The following HS6ST3 variants were observed in gnomAD, a reference collection of about 807,000 sequenced individuals.
The protein encoded by HS6ST3 is heparan sulfate 6-O-sulfotransferase 3.
HS6ST3 carries 12 observed loss-of-function variants against 36.7 expected under a neutral mutation model. The ratio of observed to expected loss-of-function variants is 0.33; its 90% CI spans 0.21 to 0.53. The LOEUF (loss-of-function observed/expected upper bound fraction) is 0.53. Among genes scored for constraint, HS6ST3 ranks in the 20% least tolerant of loss-of-function variants. The probability of loss-of-function intolerance (pLI) is 0.95; values close to 1 mark genes in which losing one functional copy is unlikely to be tolerated. For synonymous variants in HS6ST3, 240 were observed against 257.5 expected (o/e 0.93, Z 0.65); for missense variants, 584 against 640.9 (o/e 0.91, Z 0.96).
At chr13:96,107,007 A>T (rs916462398) in intron 1 of HS6ST3, among the ~76,000 whole-genome samples, 1 of 152,232 alleles carries the variant, frequency 6.6e-6, no homozygotes, top group Non-Finnish European at 1.5e-5. Flanking sequence ...GCAAAATTAC[A>T]CAATTGGGTT....
chr13:96,414,869 C>A (rs2055525356), intron 1 of HS6ST3, among the ~76,000 whole-genome samples: 2 of 152,072 alleles, frequency 1.3e-5, no homozygotes, highest in Non-Finnish European at 2.9e-5. Flanking sequence ...ACAAAATTGA[C>A]TGTTTCAGAG....
chr13:96,541,005 A>G (rs904158250), intron 1 of HS6ST3, among the ~76,000 whole-genome samples: 7 of 152,114 alleles, frequency 4.6e-5, no homozygotes, highest in African/African-American at 1.7e-4. Flanking sequence ...TGGGAAGGAT[A>G]CTAGAGGCCA....
chr13:96,392,571 G>T (rs1211036816), intron 1 of HS6ST3, among the ~76,000 whole-genome samples: 1 of 152,228 alleles, frequency 6.6e-6, no homozygotes, highest in East Asian at 1.9e-4. Flanking sequence ...GATGTCCAAA[G>T]AATTAGTTGG....
At chr13:96,145,353 G>T (rs1279465187) in intron 1 of HS6ST3, among the ~76,000 whole-genome samples, 3 of 150,390 alleles carry the variant, frequency 2.0e-5, no homozygotes, top group African/African-American at 7.3e-5. Context: ...ATTCTAACTG[G>T]TGTGAGATGG....
At chr13:96,793,669 C>T (rs757504149) in intron 1 of HS6ST3, among the ~76,000 whole-genome samples, 5 of 152,200 alleles carry the variant, frequency 3.3e-5, no homozygotes, top group East Asian at 1.9e-4. Context: ...GCTTTCTGGT[C>T]GGAGGACTGC....
chr13:96,224,230 A>G (rs965514289), intron 1 of HS6ST3, among the ~76,000 whole-genome samples: 2 of 152,184 alleles, frequency 1.3e-5, no homozygotes, highest in African/African-American at 2.4e-5. Context: ...ATGAGACCCC[A>G]GAGCCCCATC....
chr13:96,620,993 G>C (rs1013427723), intron 1 of HS6ST3, among the ~76,000 whole-genome samples: 2 of 152,178 alleles, frequency 1.3e-5, no homozygotes, highest in African/African-American at 4.8e-5. Context: ...AGACCTGGGA[G>C]GCAGCTGGAT....
At chr13:96,467,742 C>T (rs986245099) in intron 1 of HS6ST3, among the ~76,000 whole-genome samples, 1 of 152,072 alleles carries the variant, frequency 6.6e-6, no homozygotes, top group East Asian at 1.9e-4. Flanking sequence ...ACATGGGTAC[C>T]ATTTGTCACC....
At chr13:96,457,813 A>G (rs1435312501) in intron 1 of HS6ST3, among the ~76,000 whole-genome samples, 2 of 152,172 alleles carry the variant, frequency 1.3e-5, no homozygotes, top group Admixed American at 1.3e-4. Flanking sequence ...TTTACTTAAG[A>G]TATAAATTGC....
intron 1 of HS6ST3, among the ~76,000 whole-genome samples, chr13:96,539,817 T>G (rs578209773): frequency 6.6e-6 from 1 of 152,200 alleles, no homozygotes; most frequent in African/African-American, 2.4e-5. Context: ...CACGGTGGCT[T>G]CCTTTTGTAT....
chr13:96,501,316 G>A (rs1486337835), intron 1 of HS6ST3, among the ~76,000 whole-genome samples: 1 of 152,206 alleles, frequency 6.6e-6, no homozygotes. Context: ...GGAGCAAAAT[G>A]TACTGAGTGC....
At chr13:96,737,276 T>G (rs1050805963) in intron 1 of HS6ST3, among the ~76,000 whole-genome samples, 3 of 152,132 alleles carry the variant, frequency 2.0e-5, no homozygotes, top group African/African-American at 7.2e-5. Context: ...ATGAAGAGGA[T>G]GAATTTGTAA....
At chr13:96,273,128 G>A (rs990178225) in intron 1 of HS6ST3, among the ~76,000 whole-genome samples, 2 of 151,874 alleles carry the variant, frequency 1.3e-5, no homozygotes, top group Non-Finnish European at 2.9e-5. Flanking sequence ...TACAGTTAAG[G>A]GGAGCTAGAG....
At chr13:96,689,858 C>A (rs1399191538) in intron 1 of HS6ST3, among the ~76,000 whole-genome samples, 1 of 151,532 alleles carries the variant, frequency 6.6e-6, no homozygotes, top group African/African-American at 2.4e-5. Context: ...TATGCAGTAT[C>A]CAGTTTTGAT....
rs568321646 is a variant in HS6ST3 at position 96,643,979 on chromosome 13, G to A, written c.708-188511G>A. Among the ~76,000 whole-genome samples, 91 of 151,984 alleles carry A rather than the reference G, an allele frequency of 6.0e-4. 1 individual carries two copies. Among genetic ancestry groups the A allele is most frequent in the Middle Eastern group, 3.4e-3 (1 of 294 alleles). On this transcript the variant is annotated intron_variant, in intron 1 of 1. Coordinates refer to ENST00000376705, the MANE Select transcript of HS6ST3 (RefSeq NM_153456.4). ...GCAAGCCTTTGGGTTAATGGCTAGA[G>A]TTATAAAAAAGTTGATTCTGACATT...
chr13:96,521,335 G>C (rs531533461), intron 1 of HS6ST3, among the ~76,000 whole-genome samples: 1 of 152,154 alleles, frequency 6.6e-6, no homozygotes, highest in Non-Finnish European at 1.5e-5. Flanking sequence ...TGTCTGCCAG[G>C]CTTTGGTATT....
At chr13:96,134,941 AT>A (rs1171667106) in intron 1 of HS6ST3, among the ~76,000 whole-genome samples, 2 of 152,196 alleles carry the variant, frequency 1.3e-5, no homozygotes, top group Non-Finnish European at 2.9e-5. Flanking sequence ...TCAGTTGTAT[AT>A]TAGACTCTGC....
chr13:96,524,107 C>T (rs1355253685), intron 1 of HS6ST3, among the ~76,000 whole-genome samples: 1 of 152,200 alleles, frequency 6.6e-6, no homozygotes, highest in Non-Finnish European at 1.5e-5. Flanking sequence ...TTCCTTCTAA[C>T]AGGCCCCTCA....
At chr13:96,699,976 G>A (rs538772802) in intron 1 of HS6ST3, among the ~76,000 whole-genome samples, 69 of 152,124 alleles carry the variant, frequency 4.5e-4, no homozygotes, top group Non-Finnish European at 7.8e-4. Flanking sequence ...CATTTCTACT[G>A]AGTGATGAAC....
Sources: allele counts gnomAD v4.1 joint callset (sites outside exome capture counted in the v4.1 genomes callset), GRCh38; gene constraint gnomAD v4.1.1; transcripts MANE v1.5; gene names NCBI Gene and HGNC (gene_info 2026-07-23, HGNC 2026-07-21).